Variants in ADGRL3 observed in about 807,000 individuals in gnomAD.
The protein encoded by ADGRL3 is adhesion G protein-coupled receptor L3, also known as calcium-independent alpha-latrotoxin receptor 3.
Under a neutral mutation model 153.5 loss-of-function variants are expected in ADGRL3, and 62 were observed. The observed-to-expected ratio is 0.40, with a 90% CI of 0.33 to 0.50. ADGRL3 has a LOEUF of 0.50. Among genes scored for constraint, ADGRL3 ranks in the 20% least tolerant of loss-of-function variants. The pLI is 0.47. For synonymous variants in ADGRL3, 710 were observed against 672.5 expected (o/e 1.06, Z -0.86); for missense variants, 1,641 against 1,859.4 (o/e 0.88, Z 2.16).
intron 2 of ADGRL3, among the ~76,000 whole-genome samples, chr4:61,478,715 T>C (rs1480384228): frequency 6.6e-6 from 1 of 152,066 alleles, no homozygotes; most frequent in East Asian, 1.9e-4. Context: ...TGTTTTGCCA[T>C]CTGATGTTTA....
intron 8 of ADGRL3, among the ~76,000 whole-genome samples, chr4:61,789,291 G>T (rs1391882673): frequency 1.3e-5 from 2 of 152,112 alleles, no homozygotes; most frequent in East Asian, 3.9e-4. Flanking sequence ...GTGTGTGTGT[G>T]TGTGTGTACA....
chr4:61,567,326 T>G (rs1307118630), intron 4 of ADGRL3, among the ~76,000 whole-genome samples: 1 of 152,202 alleles, frequency 6.6e-6, no homozygotes, highest in Non-Finnish European at 1.5e-5. Flanking sequence ...TCTGAATGTT[T>G]GTGTCCACCA....
At chr4:61,768,274 T>A (rs1450298511) in intron 8 of ADGRL3, among the ~76,000 whole-genome samples, 1 of 151,786 alleles carries the variant, frequency 6.6e-6, no homozygotes, top group Non-Finnish European at 1.5e-5. Flanking sequence ...GGGGAGGCAA[T>A]AAAAAGATTA....
chr4:61,369,881 C>G (rs1268648343), intron 1 of ADGRL3, among the ~76,000 whole-genome samples: 1 of 152,014 alleles, frequency 6.6e-6, no homozygotes, highest in Non-Finnish European at 1.5e-5. Context: ...GGTTGGTAAG[C>G]TATTGATTAT....
intron 1 of ADGRL3, among the ~76,000 whole-genome samples, chr4:61,223,279 C>A (rs1270761659): frequency 5.9e-5 from 9 of 152,062 alleles, no homozygotes; most frequent in Admixed American, 5.9e-4. Context: ...TGAAATGATA[C>A]GTATAGTTTT....
intron 8 of ADGRL3, among the ~76,000 whole-genome samples, chr4:61,743,343 A>G (rs112259305): frequency 0.082 from 12,261 of 149,512 alleles, 1,164 homozygotes; most frequent in African/African-American, 0.22. Flanking sequence ...AAAAAAAAAA[A>G]AAAGAAAAGA....
chr4:61,739,284 T>C (rs889543174), intron 8 of ADGRL3, among the ~76,000 whole-genome samples: 2 of 151,674 alleles, frequency 1.3e-5, no homozygotes, highest in African/African-American at 4.9e-5. Flanking sequence ...GATATTGTTT[T>C]AGTCAGTTTC....
chr4:61,389,253 A>T (rs545389874), intron 2 of ADGRL3, among the ~76,000 whole-genome samples: 9 of 152,296 alleles, frequency 5.9e-5, no homozygotes, highest in African/African-American at 2.2e-4. Context: ...CACATTTAAG[A>T]TTATTTAGAA....
chr4:61,324,909 A>T (rs1173857056), intron 1 of ADGRL3, among the ~76,000 whole-genome samples: 1 of 152,220 alleles, frequency 6.6e-6, no homozygotes, highest in South Asian at 2.1e-4. Flanking sequence ...AGTGTAATTC[A>T]TTAACTTATT....
At chr4:61,578,802 A>C (rs571873912) in intron 4 of ADGRL3, among the ~76,000 whole-genome samples, 1 of 152,214 alleles carries the variant, frequency 6.6e-6, no homozygotes, top group African/African-American at 2.4e-5. Flanking sequence ...GATTTCTCTG[A>C]AATTCTTACT....
intron 19 of ADGRL3, among the ~76,000 whole-genome samples, chr4:61,986,213 T>C (rs910344887): frequency 2.6e-5 from 4 of 152,168 alleles, no homozygotes; most frequent in East Asian, 3.9e-4. Flanking sequence ...TACCACAAAA[T>C]TGAGTAATAT....
At chr4:61,475,433 TC>T (rs1338226431) in intron 2 of ADGRL3, among the ~76,000 whole-genome samples, 3 of 152,126 alleles carry the variant, frequency 2.0e-5, no homozygotes, top group African/African-American at 4.8e-5. Context: ...TCCCACTTAG[TC>T]CCCGTGGTCC....
chr4:62,016,637 A>G (rs1251659225), intron 21 of ADGRL3, among the ~76,000 whole-genome samples: 1 of 152,114 alleles, frequency 6.6e-6, no homozygotes, highest in African/African-American at 2.4e-5. Context: ...TCCCATTTTG[A>G]TCATCTCTTG....
At position 61,432,648 on chromosome 4, in the gene ADGRL3, T is replaced by TTCTTTC. The variant is rs1560623735; in HGVS notation, c.-174+49461_-174+49466dup. On this transcript the variant is annotated intron_variant, in intron 2 of 26. Transcript: ENST00000683033. ...TTTCTTTCTTTCTTTCTTTCTTTCT[T>TTCTTTC]TCTTTCTTTTTTTTTTTTTTTTGAG... Among the ~76,000 whole-genome samples, 14 of 41,566 alleles carry TTCTTTC rather than the reference T, an allele frequency of 3.4e-4. 1 individual carries two copies. The highest frequency in any genetic ancestry group is 1.1e-3 in the African/African-American group (13 of 11,896). 27.3% of individuals were successfully genotyped at this position (41,566 alleles called of 152,430 possible). A position where few individuals can be genotyped will look rare whatever the true frequency, so the allele number is the denominator to read the frequency against.
chr4:61,391,283 A>G (rs1187797823), intron 2 of ADGRL3, among the ~76,000 whole-genome samples: 1 of 152,112 alleles, frequency 6.6e-6, no homozygotes, highest in Non-Finnish European at 1.5e-5. Flanking sequence ...ATGGCCAGAG[A>G]GAAAGCAAGA....
chr4:61,297,739 G>T (rs73214602), intron 1 of ADGRL3, among the ~76,000 whole-genome samples: 1 of 151,006 alleles, frequency 6.6e-6, no homozygotes, highest in African/African-American at 2.4e-5. Flanking sequence ...TATCTCAAGA[G>T]ATTCTTGTGT....
At chr4:61,966,100 T>C (rs76025842) in intron 17 of ADGRL3, among the ~76,000 whole-genome samples, 4,413 of 152,290 alleles carry the variant, frequency 0.029, 172 homozygotes, top group East Asian at 0.18. Flanking sequence ...TATTCTTTTT[T>C]TCTGAAATTG....
At chr4:61,497,552 G>A (rs1280722420) in intron 3 of ADGRL3, among the ~76,000 whole-genome samples, 1 of 129,838 alleles carries the variant, frequency 7.7e-6, no homozygotes, top group Non-Finnish European at 1.6e-5. Context: ...GCCTCGCACT[G>A]TCACCCAGGC....
At chr4:61,495,473 G>GGAAGGAAGGAAGGGAGGGAGGAA (rs1402625331) in intron 2 of ADGRL3, among the ~76,000 whole-genome samples, 82 of 150,042 alleles carry the variant, frequency 5.5e-4, no homozygotes, top group Non-Finnish European at 9.9e-4. Flanking sequence ...GGAGGGAGGA[G>GGAAGGAAGGAAGGGAGGGAGGAA]GAAGGAAGGA....
Sources: allele counts gnomAD v4.1 joint callset (sites outside exome capture counted in the v4.1 genomes callset), GRCh38; gene constraint gnomAD v4.1.1; transcripts MANE v1.5; gene names NCBI Gene and HGNC (gene_info 2026-07-23, HGNC 2026-07-21).